Variants in POLK observed in about 807,000 individuals in gnomAD.
The protein encoded by POLK is polymerase (DNA directed) kappa.
POLK carries 76 observed loss-of-function variants against 94.0 expected under a neutral mutation model. That is an observed-to-expected ratio of 0.81 (90% confidence interval 0.67 to 0.98). The LOEUF (loss-of-function observed/expected upper bound fraction) is 0.98. Ranked by LOEUF, POLK falls within the 50% of genes least tolerant of loss-of-function variation. POLK has a pLI of 0.00. For synonymous variants in POLK, 349 were observed against 325.4 expected, an observed-to-expected ratio of 1.07 and a Z score of -0.78; for missense variants, 954 against 1,010.1, an observed-to-expected ratio of 0.94 and a Z score of 0.75.
At chr5:75,576,961 C>A (rs1771913743) in intron 6 of POLK, 28 bp downstream of exon 6, 7 of 1,399,024 alleles carry the variant, frequency 5.0e-6, no homozygotes, top group Admixed American at 2.6e-5. Flanking sequence ...ACTATCAAAC[C>A]AAGAAGCAGT....
At chr5:75,543,551 G>A (rs1248860006) in intron 1 of POLK, among the ~76,000 whole-genome samples, 2 of 152,142 alleles carry the variant, frequency 1.3e-5, no homozygotes, top group African/African-American at 4.8e-5. Flanking sequence ...TGGAGGGGAT[G>A]GAGGCAGATG....
intron 3 of POLK, among the ~76,000 whole-genome samples, chr5:75,561,856 A>G (rs1427390482): frequency 6.6e-6 from 1 of 151,988 alleles, no homozygotes; most frequent in South Asian, 2.1e-4. Context: ...GTTCTATTCT[A>G]TTGGTCTATA....
exon 3 of POLK, chr5:75,552,482 T>G (rs1321204597): frequency 6.2e-7 from 1 of 1,610,768 alleles, no homozygotes; most frequent in Admixed American, 1.7e-5. Context: ...GGGTCCAGAT[T>G]TTATGGAAAT....
At chr5:75,567,372 A>C (rs929000312) in intron 3 of POLK, among the ~76,000 whole-genome samples, 9 of 152,164 alleles carry the variant, frequency 5.9e-5, no homozygotes, top group South Asian at 2.1e-4. Context: ...ATATGTGGTC[A>C]TGGTGCTATT....
chr5:75,545,434 T>C lies in POLK; in HGVS notation c.-13-1576T>C, dbSNP rs550644733. ...TGAAGTAAAAAGGCTTGCATTCAAA[T>C]CCCAATTCTTCCACTTACTAACAGT... On this transcript the variant is annotated intron_variant, in intron 1 of 14. Transcript: ENST00000241436. 5.9e-5 allele frequency among the ~76,000 whole-genome samples: 9 copies of C among 152,328 alleles called. 1 individual carries two copies. The South Asian group carries it at 1.7e-3, about 28-fold the overall frequency.
intron 3 of POLK, among the ~76,000 whole-genome samples, chr5:75,566,457 G>A (rs550895149): frequency 6.1e-4 from 93 of 152,290 alleles, no homozygotes; most frequent in Admixed American, 3.9e-4. Context: ...CCAAATGGCC[G>A]CCCAGTTTTG....
chr5:75,579,972 A>T (rs913718697), intron 6 of POLK, among the ~76,000 whole-genome samples: 7 of 100,716 alleles, frequency 7.0e-5, no homozygotes, highest in South Asian at 3.8e-4. Flanking sequence ...ACCCTGTCTT[A>T]AAAAAAAAAA....
chr5:75,596,923 A>G (rs2112898225), exon 13 of POLK: 1 of 1,613,548 alleles, frequency 6.2e-7, no homozygotes, highest in South Asian at 1.1e-5. Context: ...CTGTCATCAG[A>G]ATTCTTCTTC....
At chr5:75,579,921 G>A (rs556986529) in intron 6 of POLK, among the ~76,000 whole-genome samples, 3 of 148,092 alleles carry the variant, frequency 2.0e-5, no homozygotes, top group African/African-American at 5.0e-5. Flanking sequence ...GATGGCTCGC[G>A]CCTGTAGTCC....
Position 75,529,389 on chromosome 5 carries a change from AC to A in POLK, c.-14+17480del, listed in dbSNP as rs199924986. Reference sequence around the variant, plus strand: ...TCATGAGGGTCATAGGTCATGACCTACCCCCATGACCCAAACACCTCCCACT... The same window carrying A: ...TCATGAGGGTCATAGGTCATGACCTACCCCATGACCCAAACACCTCCCACT... On this transcript the variant is annotated intron_variant, in intron 1 of 14. Transcript: ENST00000241436. Among the ~76,000 whole-genome samples, 340 of 116,878 alleles carry A rather than the reference AC, an allele frequency of 2.9e-3. 1 individual carries two copies. Among genetic ancestry groups the A allele is most frequent in the African/African-American group, 9.3e-3 (314 of 33,896 alleles). The allele number at this position is 116,878 out of a possible 152,430, so 76.7% of individuals were successfully genotyped here.
chr5:75,601,402 T>A (rs965625824), downstream of POLK, among the ~76,000 whole-genome samples: 14 of 151,688 alleles, frequency 9.2e-5, no homozygotes, highest in Non-Finnish European at 2.1e-4. Flanking sequence ...TAATATTGAG[T>A]GTCAACTTGA....
chr5:75,553,970 C>T (rs975769391), intron 3 of POLK, among the ~76,000 whole-genome samples: 3 of 152,194 alleles, frequency 2.0e-5, no homozygotes, highest in Non-Finnish European at 4.4e-5. Flanking sequence ...TCCATCATCC[C>T]CTGGTGTTAT....
At chr5:75,604,927 A>G (rs547181907), downstream of POLK, among the ~76,000 whole-genome samples, 6 of 152,358 alleles carry the variant, frequency 3.9e-5, no homozygotes, top group South Asian at 1.2e-3. Flanking sequence ...GATTCCATTT[A>G]TTAAGCAAAC....
chr5:75,536,961 A>T (rs1461734127), intron 1 of POLK, among the ~76,000 whole-genome samples: 2 of 151,936 alleles, frequency 1.3e-5, no homozygotes, highest in East Asian at 3.9e-4. Flanking sequence ...CTGAGTTCAC[A>T]CAGAAGCAGG....
chr5:75,584,664 T>TC, intron 8 of POLK, 96 bp from the exon 9 acceptor site: 1 of 705,432 alleles, frequency 1.4e-6, no homozygotes, highest in Middle Eastern at 4.2e-4. Context: ...AGAGCGAGAC[T>TC]CCATCTCAAA....
exon 10 of POLK, chr5:75,587,043 G>A: frequency 1.9e-6 from 3 of 1,549,146 alleles, no homozygotes; most frequent in Non-Finnish European, 2.6e-6. Context: ...GAGAGGAAAA[G>A]TATGAGCGTT....
chr5:75,581,584 A>G, intron 7 of POLK, 136 bp downstream of exon 7: 1 of 729,262 alleles, frequency 1.4e-6, no homozygotes, highest in Non-Finnish European at 2.2e-6. Flanking sequence ...ACTTCTAACA[A>G]CTTTACCTAT....
chr5:75,518,420 G>A (rs1177837234), intron 1 of POLK, among the ~76,000 whole-genome samples: 6 of 152,068 alleles, frequency 3.9e-5, no homozygotes, highest in African/African-American at 4.8e-5. Flanking sequence ...ATTTGTTGGC[G>A]TATAGTTGCT....
chr5:75,553,180 T>A (rs1288574949), intron 3 of POLK, among the ~76,000 whole-genome samples: 1 of 152,178 alleles, frequency 6.6e-6, no homozygotes, highest in African/African-American at 2.4e-5. Flanking sequence ...ACTCCAAGTT[T>A]CCTCTTCTAT....
Sources: gnomAD v4.1 joint callset for allele counts (sites outside exome capture counted in the v4.1 genomes callset) on GRCh38, gnomAD v4.1.1 for gene constraint, MANE v1.5 for transcripts, NCBI Gene and HGNC (gene_info 2026-07-23, HGNC 2026-07-21) for gene names.